SEC14L1: variants seen among roughly 807,000 people sequenced by gnomAD.
The protein encoded by SEC14L1 is SEC14-like protein 1.
In SEC14L1, 48 loss-of-function variants were observed where a neutral mutation model predicts 85.3. The observed-to-expected ratio is 0.56, with a 90% CI of 0.45 to 0.72. The LOEUF is 0.72. Ranked by LOEUF, SEC14L1 falls within the 30% of genes least tolerant of loss-of-function variation. The pLI, the probability that SEC14L1 is intolerant of heterozygous loss-of-function variation, is 0.00. For synonymous variants in SEC14L1, 391 were observed against 355.5 expected (o/e 1.10, Z -1.12); for missense variants, 682 against 921.4 (o/e 0.74, Z 3.36).
At chr17:77,114,473 G>A (rs1427886561) in intron 3 of SEC14L1, among the ~76,000 whole-genome samples, 2 of 150,898 alleles carry the variant, frequency 1.3e-5, no homozygotes, top group African/African-American at 2.4e-5. Flanking sequence ...GCAGTGAGCC[G>A]AGATCGCGCC....
chr17:77,185,949 G>A (rs956415503), intron 3 of SEC14L1, among the ~76,000 whole-genome samples: 11 of 152,116 alleles, frequency 7.2e-5, no homozygotes, highest in Non-Finnish European at 1.5e-4. Flanking sequence ...GCAGTAATGG[G>A]ATTCAGAACA....
chr17:77,144,159 A>G (rs1670831371), intron 3 of SEC14L1, among the ~76,000 whole-genome samples: 1 of 152,206 alleles, frequency 6.6e-6, no homozygotes, highest in East Asian at 1.9e-4. Context: ...GAAAATAAGC[A>G]TTTTACTAGA....
At chr17:77,158,196 C>CTT (rs1299938368) in intron 3 of SEC14L1, among the ~76,000 whole-genome samples, 1 of 152,234 alleles carries the variant, frequency 6.6e-6, no homozygotes, top group African/African-American at 2.4e-5. Flanking sequence ...CCTGTAACCA[C>CTT]TTTTAAGTGC....
At chr17:77,144,432 T>C (rs1973187479) in intron 3 of SEC14L1, among the ~76,000 whole-genome samples, 1 of 152,136 alleles carries the variant, frequency 6.6e-6, no homozygotes, top group African/African-American at 2.4e-5. Flanking sequence ...CTGTTTTGAC[T>C]CCTAATACAC....
intron 3 of SEC14L1, among the ~76,000 whole-genome samples, chr17:77,122,073 A>T (rs1972313739): frequency 2.0e-5 from 3 of 152,200 alleles, no homozygotes; most frequent in Admixed American, 1.3e-4. Flanking sequence ...CAAACTACCG[A>T]GTCCACCACT....
intron 7 of SEC14L1, among the ~76,000 whole-genome samples, chr17:77,195,278 G>A (rs1219395209): frequency 6.6e-6 from 1 of 151,520 alleles, no homozygotes; most frequent in East Asian, 1.9e-4. Flanking sequence ...TTATAGGTGT[G>A]AGCCACCACA....
rs1008123863 is a variant in SEC14L1 at position 77,185,470 on chromosome 17, A to G, written c.64-5333A>G. ...ACGTTTTTAGTGTGGTTGAAATTCA[A>G]GGTGAGGCTGCGTGGGTGACACCTT... On this transcript the variant is annotated intron_variant, in intron 3 of 16. Transcript: ENST00000436233. 5 of 798,880 alleles carry G rather than the reference A, an allele frequency of 6.3e-6. No homozygotes were observed. The South Asian group carries it at 2.3e-4, about 36-fold the overall frequency. 49.5% of individuals were successfully genotyped at this position (798,880 alleles called of 1,614,324 possible).
At chr17:77,177,569 G>C (rs1212194828) in intron 3 of SEC14L1, among the ~76,000 whole-genome samples, 2 of 151,934 alleles carry the variant, frequency 1.3e-5, no homozygotes, top group Non-Finnish European at 2.9e-5. Flanking sequence ...GCTATGGTTA[G>C]TTGCATGTAT....
At chr17:77,167,384 C>G (rs1289097254) in intron 3 of SEC14L1, among the ~76,000 whole-genome samples, 1 of 152,188 alleles carries the variant, frequency 6.6e-6, no homozygotes, top group Non-Finnish European at 1.5e-5. Context: ...ATCCACCCAC[C>G]TTGGCCTCTC....
intron 3 of SEC14L1, among the ~76,000 whole-genome samples, chr17:77,101,208 G>A (rs185652155): frequency 9.3e-5 from 14 of 150,780 alleles, no homozygotes; most frequent in Admixed American, 1.3e-4. Context: ...ACAGAGTCTC[G>A]CCCTGTTGCT....
chr17:77,100,293 G>A (rs1271989998), intron 3 of SEC14L1, among the ~76,000 whole-genome samples: 1 of 152,084 alleles, frequency 6.6e-6, no homozygotes, highest in Non-Finnish European at 1.5e-5. Flanking sequence ...CGGCATTCAC[G>A]TTAGTGCGCA....
chr17:77,150,355 G>A (rs1973500777), intron 3 of SEC14L1, among the ~76,000 whole-genome samples: 1 of 152,150 alleles, frequency 6.6e-6, no homozygotes, highest in African/African-American at 2.4e-5. Flanking sequence ...GGGTAGGCAA[G>A]GGCGACCTGG....
intron 3 of SEC14L1, chr17:77,127,849 A>C (rs1008341240): frequency 4.6e-5 from 7 of 152,154 alleles, no homozygotes; most frequent in African/African-American, 1.4e-4. Context: ...TGGCTTTATA[A>C]GAGAAAGGAG....
chr17:77,156,725 G>A (rs541632798), intron 3 of SEC14L1, among the ~76,000 whole-genome samples: 1 of 151,890 alleles, frequency 6.6e-6, no homozygotes, highest in African/African-American at 2.4e-5. Context: ...TTGACAAAAG[G>A]TTACATTGGA....
chr17:77,216,406 G>GC lies in SEC14L1; in HGVS notation c.*2383_*2384insC. ...CTAGTAGGTAGGGCTAGTAGGTAGG[G>GC]TTCGTAGGTAGGGTTCGTAGGTAGG... On this transcript the variant is annotated 3_prime_UTR_variant, in exon 17 of 17. Transcript: ENST00000436233. The GC allele has an allele frequency of 3.3e-6, 2 of 603,512 alleles. No homozygotes were observed. Among genetic ancestry groups the GC allele is most frequent in the South Asian group, 2.5e-5 (1 of 39,528 alleles). The allele number at this position is 603,512 out of a possible 1,614,324, so 37.4% of individuals were successfully genotyped here.
intron 6 of SEC14L1, 37 bp from the exon 7 acceptor site, chr17:77,194,640 A>C (rs755980738): frequency 1.3e-6 from 2 of 1,504,686 alleles, no homozygotes; most frequent in Non-Finnish European, 1.8e-6. Flanking sequence ...TTGAATGTTG[A>C]ATATATACTC....
chr17:77,215,169 CAGA>C lies in SEC14L1; in HGVS notation c.*1149_*1151del. ...AGTTTGAGTAATGAAGGAATCTTCA[CAGA>C]AGCAAATCAGAATATGGGATTTGTT... On this transcript the variant is annotated 3_prime_UTR_variant, in exon 17 of 17. Transcript: ENST00000436233. 4.1e-6 allele frequency: 4 copies of C among 985,444 alleles called. No homozygotes were observed. Among genetic ancestry groups the C allele is most frequent in the Non-Finnish European group, 4.8e-6 (4 of 829,984 alleles). The allele number at this position is 985,444 out of a possible 1,614,324, so 61.0% of individuals were successfully genotyped here. A position where few individuals can be genotyped will look rare whatever the true frequency, so the allele number is the denominator to read the frequency against.
At chr17:77,156,252 G>A (rs1973811962) in intron 3 of SEC14L1, among the ~76,000 whole-genome samples, 1 of 152,014 alleles carries the variant, frequency 6.6e-6, no homozygotes, top group South Asian at 2.1e-4. Context: ...GTGTTCCCAG[G>A]GTGAGAATCA....
chr17:77,182,252 A>T (rs1975071329), intron 3 of SEC14L1, among the ~76,000 whole-genome samples: 1 of 152,168 alleles, frequency 6.6e-6, no homozygotes, highest in Non-Finnish European at 1.5e-5. Flanking sequence ...TTTCAAGTTG[A>T]AATGTCGTCA....
Sources: allele counts gnomAD v4.1 joint callset (sites outside exome capture counted in the v4.1 genomes callset), GRCh38; gene constraint gnomAD v4.1.1; transcripts MANE v1.5; gene names NCBI Gene and HGNC (gene_info 2026-07-23, HGNC 2026-07-21).